SPG21: variants seen among roughly 807,000 people sequenced by gnomAD.
The protein encoded by SPG21 is SPG21 abhydrolase domain containing, maspardin.
A neutral mutation model predicts 38.9 loss-of-function variants in SPG21; 26 were observed. The ratio of observed to expected loss-of-function variants is 0.67; its 90% CI spans 0.49 to 0.93. The LOEUF (loss-of-function observed/expected upper bound fraction) is 0.93, where lower values mean the gene tolerates loss of function less well. Among genes scored for constraint, SPG21 ranks in the 40% least tolerant of loss-of-function variants. The pLI is 0.00. For missense variants in SPG21, 333 were observed against 376.5 expected, an observed-to-expected ratio of 0.88 and a Z score of 0.96; for synonymous variants, 136 against 128.9, an observed-to-expected ratio of 1.05 and a Z score of -0.37.
chr15:64,986,575 A>T (rs1473114846), intron 1 of SPG21, among the ~76,000 whole-genome samples: 1 of 148,688 alleles, frequency 6.7e-6, no homozygotes, highest in African/African-American at 2.5e-5. Context: ...TGTAATCCCA[A>T]ATACTCGGGA....
chr15:64,987,762 C>T (rs1449896303), intron 1 of SPG21, among the ~76,000 whole-genome samples: 1 of 152,184 alleles, frequency 6.6e-6, no homozygotes. Flanking sequence ...TGGCTGGGTG[C>T]AGTGGCTCAC....
chr15:64,983,535 C>T lies in SPG21; in HGVS notation c.35G>A (p.Trp12Ter), dbSNP rs1035807103. The change falls in exon 2 of 9, where the codon TGG becomes TAG. Residue 12 changes from tryptophan to a stop codon, truncating the protein, a stop_gained. Transcript: ENST00000204566. LOFTEE classifies it high-confidence loss of function. The part of the protein sequence containing the change: ...GEIKVSPDYN[W>*]FRGTVPLKKI... ...TTTAAGGGGAACTGTACCTCTAAAC[C>T]AGTTATAATCAGGAGAGACTTTAAT... is the stretch of plus-strand genomic sequence containing the variant. 6.3e-7 allele frequency: 1 copy of T among 1,579,162 alleles called. No individual in the cohort carries two copies.
At position 64,973,976 on chromosome 15, in the gene SPG21, A is replaced by T. The variant is rs144831571; in HGVS notation, c.452+626T>A. 3.7e-4 allele frequency among the ~76,000 whole-genome samples: 45 copies of T among 122,290 alleles called. 1 individual carries two copies. In the East Asian group the frequency reaches 7.6e-3, roughly 21 times the overall value. The allele number at this position is 122,290 out of a possible 152,430, so 80.2% of individuals were successfully genotyped here. A position where few individuals can be genotyped will look rare whatever the true frequency, so the allele number is the denominator to read the frequency against. ...GCCTAATAAAACTATGTCAGTCAAT[A>T]CACGGAACTGTTTACACATAATAAT... On this transcript the variant is annotated intron_variant, in intron 5 of 8. Coordinates refer to ENST00000204566, the MANE Select transcript of SPG21 (RefSeq NM_016630.7).
At chr15:64,983,694 A>C in intron 1 of SPG21, 101 bp from the exon 2 acceptor site, 1 of 773,386 alleles carries the variant, frequency 1.3e-6, no homozygotes, top group Non-Finnish European at 2.2e-6. Context: ...TTTAAAGAAG[A>C]AAGCCAAGGA....
intron 3 of SPG21, among the ~76,000 whole-genome samples, chr15:64,977,799 A>C (rs2085810740): frequency 6.6e-6 from 1 of 151,688 alleles, no homozygotes; most frequent in South Asian, 2.1e-4. Flanking sequence ...TTTCTAAGGG[A>C]CTCAGGTTTG....
rs528592137 is a variant in SPG21, at chr15:64,974,304, C to T, written c.452+298G>A. Among the ~76,000 whole-genome samples, 3 of 152,136 alleles carry T rather than the reference C, an allele frequency of 2.0e-5. No homozygotes were observed. The East Asian group carries it at 5.8e-4, about 29-fold the overall frequency. On this transcript the variant is annotated intron_variant, in intron 5 of 8. Transcript: ENST00000204566. ...ACAACATGGCAAAACCTCATCTGTACAAAAATATACAGAAATTAACCAGGT... is the reference window on the plus strand; with the variant it reads ...ACAACATGGCAAAACCTCATCTGTATAAAAATATACAGAAATTAACCAGGT...
intron 8 of SPG21, 83 bp from the exon 9 acceptor site, chr15:64,963,819 C>T: frequency 7.8e-7 from 1 of 1,290,296 alleles, no homozygotes; most frequent in Non-Finnish European, 1.1e-6. Context: ...TGCAGTGGCA[C>T]TATCTTGGTT....
chr15:64,970,900 C>T (rs1281770393), intron 5 of SPG21, among the ~76,000 whole-genome samples: 2 of 151,980 alleles, frequency 1.3e-5, no homozygotes, highest in African/African-American at 2.4e-5. Flanking sequence ...CCACCACGCC[C>T]GGCTAACTTC....
Position 64,963,543 on chromosome 15 carries a change from G to T in SPG21, c.*77C>A, listed in dbSNP as rs2085487784. ...GAGCCTGACGAACCTGAAGGAAAAG[G>T]CTGGCTGACGGGTGCTGATGCCACT... On this transcript the variant is annotated 3_prime_UTR_variant, in exon 9 of 9. Transcript: ENST00000204566. The T allele has an allele frequency of 2.3e-5, 28 of 1,234,790 alleles. No homozygotes were observed. In the South Asian group the frequency reaches 3.3e-4, roughly 14 times the overall value. The allele number at this position is 1,234,790 out of a possible 1,614,324, so 76.5% of individuals were successfully genotyped here. A position where few individuals can be genotyped will look rare whatever the true frequency, so the allele number is the denominator to read the frequency against.
At chr15:64,980,419 A>G (rs1158188720) in intron 3 of SPG21, among the ~76,000 whole-genome samples, 1 of 152,126 alleles carries the variant, frequency 6.6e-6, no homozygotes, top group Non-Finnish European at 1.5e-5. Flanking sequence ...ATATTAAAAT[A>G]AGCAAACAGT....
At position 64,976,485 on chromosome 15, in the gene SPG21, TGTAAA is replaced by T; in HGVS notation, c.291_295del (p.His97GlnfsTer4). ...TTTCAGGGTACTCACTTTATCCAATTGTAAATGGTCTAAAAGTTTTCTGAATCCAT... is the reference window on the plus strand; with the variant it reads ...TTTCAGGGTACTCACTTTATCCAATTTGGTCTAAAAGTTTTCTGAATCCAT... On this transcript the variant is annotated frameshift_variant, in exon 4 of 9. Transcript: ENST00000204566. LOFTEE classifies it high-confidence loss of function. The T allele has an allele frequency of 6.2e-7, 1 of 1,611,294 alleles. No individual in the cohort carries two copies. The highest frequency in any genetic ancestry group is 8.5e-7 in the Non-Finnish European group (1 of 1,177,554).
chr15:64,981,068 T>C lies in SPG21; in HGVS notation c.64-43A>G, dbSNP rs924515881. ...AGAAAAAAGTGGAAAACCTTATAAA[T>C]TTGCTTTTTATGTTATTTTACACTG... On this transcript the variant is annotated intron_variant, in intron 2 of 8. Coordinates refer to ENST00000204566, the MANE Select transcript of SPG21 (RefSeq NM_016630.7). 10 of 1,612,568 alleles carry C rather than the reference T, an allele frequency of 6.2e-6. No homozygotes were observed. The African/African-American group carries it at 1.1e-4, about 17-fold the overall frequency.
chr15:64,965,869 T>G (rs1399951586), intron 7 of SPG21, among the ~76,000 whole-genome samples: 2 of 152,024 alleles, frequency 1.3e-5, no homozygotes, highest in African/African-American at 4.8e-5. Context: ...GCCTGGCTAA[T>G]TTTTGCATTT....
At chr15:64,984,907 G>A (rs950623348) in intron 1 of SPG21, among the ~76,000 whole-genome samples, 175 of 151,946 alleles carry the variant, frequency 1.2e-3, no homozygotes, top group African/African-American at 4.0e-3. Flanking sequence ...CTGCCACTGC[G>A]CCCGGCTAAT....
intron 2 of SPG21, among the ~76,000 whole-genome samples, chr15:64,982,301 C>T (rs1343573770): frequency 6.6e-6 from 1 of 152,044 alleles, no homozygotes; most frequent in Non-Finnish European, 1.5e-5. Context: ...TGCACCAACA[C>T]GCCCAGTTAA....
chr15:64,974,734 C>T lies in SPG21; in HGVS notation c.320G>A (p.Gly107Asp). ...HLQLDKVHLF[G>D]ASLGGFLAQK... ...GGCCAAAAAGCCTCCCAAAGAAGCGCCAAAAAGATGAACCTAATTATAAAC... is the reference window on the plus strand; with the variant it reads ...GGCCAAAAAGCCTCCCAAAGAAGCGTCAAAAAGATGAACCTAATTATAAAC... Residue 107 changes from glycine (G) to aspartate (D), a missense_variant, in exon 5 of 9, where the codon GGC becomes GAC. By Grantham distance (94) the Gly-to-Asp change is moderately conservative. Transcript: ENST00000204566. The T allele has an allele frequency of 1.9e-6, 3 of 1,613,972 alleles. No individual in the cohort carries two copies. Among genetic ancestry groups the T allele is most frequent in the Non-Finnish European group, 2.5e-6 (3 of 1,180,008 alleles).
chr15:64,975,257 C>T (rs2085751833), intron 4 of SPG21, among the ~76,000 whole-genome samples: 1 of 148,860 alleles, frequency 6.7e-6, no homozygotes, highest in African/African-American at 2.5e-5. Context: ...CACTGCACTC[C>T]AGCCTGGGCA....
chr15:64,965,348 C>G lies in SPG21; in HGVS notation c.782G>C (p.Arg261Thr). ...TACATAAAGATTGACCTCTGCACTT[C>G]TGCACAGGTATGGGAAATTGCCTCC... ...KTGGNFPYLC[R>T]SAEVNLYVQI... Residue 261 changes from arginine (R) to threonine (T), a missense_variant, in exon 8 of 9, where the codon AGA (arginine) becomes ACA (threonine). Transcript: ENST00000204566. The G allele has an allele frequency of 6.2e-7, 1 of 1,614,182 alleles. No individual in the cohort carries two copies. Among genetic ancestry groups the G allele is most frequent in the Non-Finnish European group, 8.5e-7 (1 of 1,180,032 alleles).
In SPG21 at chr15:64,983,517, G is replaced by C; in HGVS notation, c.53C>G (p.Pro18Arg). Residue 18 changes from proline to arginine, a missense_variant, in exon 2 of 9, where the codon CCC becomes CGC. By Grantham distance (103) the Pro-to-Arg change is moderately radical (BLOSUM62 -2). Transcript: ENST00000204566. ...TAAAACCATACATACCTTTTTAAGG[G>C]GAACTGTACCTCTAAACCAGTTATA... ...PDYNWFRGTV[P>R]LKKIIVDDDD... 1 of 1,576,330 alleles carries C rather than the reference G, an allele frequency of 6.3e-7. No homozygotes were observed. The highest frequency in any genetic ancestry group is 8.6e-7 in the Non-Finnish European group (1 of 1,156,524).
Sources: allele counts gnomAD v4.1 joint callset (sites outside exome capture counted in the v4.1 genomes callset), GRCh38; gene constraint gnomAD v4.1.1; transcripts MANE v1.5; gene names NCBI Gene and HGNC (gene_info 2026-07-23, HGNC 2026-07-21).